The following AGPAT4 variants were observed in gnomAD, a reference collection of about 807,000 sequenced individuals.
The protein encoded by AGPAT4 is 1-acyl-sn-glycerol-3-phosphate acyltransferase delta.
A neutral mutation model predicts 48.0 loss-of-function variants in AGPAT4; 15 were observed. The observed-to-expected ratio is 0.31, with a 90% CI of 0.21 to 0.48. AGPAT4 has a LOEUF of 0.48. Among genes scored for constraint, AGPAT4 ranks in the 20% least tolerant of loss-of-function variants. The pLI is 0.99. For missense variants in AGPAT4, 314 were observed against 482.5 expected, an observed-to-expected ratio of 0.65 and a Z score of 3.27; for synonymous variants, 178 against 198.7, an observed-to-expected ratio of 0.90 and a Z score of 0.88.
In AGPAT4 at chr6:161,220,116, T is replaced by C. The variant is rs922442309; in HGVS notation, c.178+11920A>G. Among the ~76,000 whole-genome samples the C allele has an allele frequency of 2.0e-5, 3 of 152,232 alleles. No individual in the cohort carries two copies. The highest frequency in any genetic ancestry group is 4.4e-5 in the Non-Finnish European group (3 of 68,044). On this transcript the variant is annotated intron_variant, in intron 2 of 8. Transcript: ENST00000320285. The surrounding 1 kb of genome is among the most constrained non-coding windows in gnomAD (Gnocchi z 6.0). ...CTCCATTGAATCAGCTTCATGAGAC[T>C]GATTCATTTGGATATTTAATGTGCT...
rs528350193 is a variant in AGPAT4, at chr6:161,144,849, C to T, written c.843+1675G>A. On this transcript the variant is annotated intron_variant, in intron 7 of 8. Coordinates refer to ENST00000320285, the MANE Select transcript of AGPAT4 (RefSeq NM_020133.3). This position sits in a 1 kb window ranked among gnomAD's most constrained non-coding sequence, Gnocchi z 6.6. ...CAAAAAAATTAGCCGGGCATGGTGGCGGGTGCCTGTAGTCCCAGATATTTG... is the reference window on the plus strand; with the variant it reads ...CAAAAAAATTAGCCGGGCATGGTGGTGGGTGCCTGTAGTCCCAGATATTTG... 1.7e-4 allele frequency among the ~76,000 whole-genome samples: 26 copies of T among 152,060 alleles called. No individual in the cohort carries two copies. Among genetic ancestry groups the T allele is most frequent in the African/African-American group, 3.9e-4 (16 of 41,440 alleles).
intron 2 of AGPAT4, among the ~76,000 whole-genome samples, chr6:161,230,287 T>C (rs1401915940): frequency 2.0e-5 from 3 of 152,202 alleles, no homozygotes; most frequent in Non-Finnish European, 2.9e-5. Context: ...AACCATCCAC[T>C]TGAAATTTGG....
chr6:161,170,883 C>G (rs543645523), intron 2 of AGPAT4, among the ~76,000 whole-genome samples: 7 of 152,362 alleles, frequency 4.6e-5, no homozygotes, highest in African/African-American at 1.7e-4. Context: ...TCCTTCCACT[C>G]TCACCATCAG....
At chr6:161,203,368 G>A (rs1583326148) in intron 2 of AGPAT4, among the ~76,000 whole-genome samples, 1 of 131,648 alleles carries the variant, frequency 7.6e-6, no homozygotes, top group East Asian at 2.4e-4. Flanking sequence ...GTGGGAGAGT[G>A]TTCTTTTTCT....
rs1783389652 is a variant in AGPAT4, at chr6:161,270,480, G to C, written c.-90+3458C>G. ...GAGGTCAAACACCATTCAGAAATGT[G>C]AATGTGGGCCAGGCACGGTGGCTCA... On this transcript the variant is annotated intron_variant, in intron 1 of 8. Coordinates refer to ENST00000320285, the MANE Select transcript of AGPAT4 (RefSeq NM_020133.3). The surrounding 1 kb of genome is among the most constrained non-coding windows in gnomAD (Gnocchi z 5.3). 6.6e-6 allele frequency among the ~76,000 whole-genome samples: 1 copy of C among 152,180 alleles called. No homozygotes were observed. Among genetic ancestry groups the C allele is most frequent in the South Asian group, 2.1e-4 (1 of 4,832 alleles).
chr6:161,152,917 G>A (rs1242018242), intron 5 of AGPAT4, among the ~76,000 whole-genome samples: 2 of 152,234 alleles, frequency 1.3e-5, no homozygotes, highest in Non-Finnish European at 2.9e-5. Context: ...TCTTCTTACC[G>A]ATGGCCATTT....
rs768697318 is a variant in AGPAT4, at chr6:161,135,353, T to C, written c.*1187A>G. 1 of 152,258 alleles carries C rather than the reference T, an allele frequency of 6.6e-6. No homozygotes were observed. The highest frequency in any genetic ancestry group is 2.4e-5 in the African/African-American group (1 of 41,466). 9.4% of individuals were successfully genotyped at this position (152,258 alleles called of 1,614,324 possible). A position where few individuals can be genotyped will look rare whatever the true frequency, so the allele number is the denominator to read the frequency against. On this transcript the variant is annotated 3_prime_UTR_variant, in exon 9 of 9. Coordinates refer to ENST00000320285, the MANE Select transcript of AGPAT4 (RefSeq NM_020133.3). Reference sequence around the variant, plus strand: ...ATAGCTAGCATTTGTTCTGCAAAAATAGCACTGCTTTTAGTTTCTTCTTCT... The same window carrying C: ...ATAGCTAGCATTTGTTCTGCAAAAACAGCACTGCTTTTAGTTTCTTCTTCT...
chr6:161,268,592 T>C (rs542943303), intron 1 of AGPAT4, among the ~76,000 whole-genome samples: 166 of 152,280 alleles, frequency 1.1e-3, no homozygotes, highest in South Asian at 3.1e-3. Flanking sequence ...GAAATGACCA[T>C]GAAGTAGTTA....
rs1407252789 is a variant in AGPAT4 at position 161,220,463 on chromosome 6, C to T, written c.178+11573G>A. On this transcript the variant is annotated intron_variant, in intron 2 of 8. Coordinates refer to ENST00000320285, the MANE Select transcript of AGPAT4 (RefSeq NM_020133.3). This position sits in a 1 kb window ranked among gnomAD's most constrained non-coding sequence, Gnocchi z 6.0. ...CTTCCTCGATACTTCAGATTAAAAA[C>T]CCTAGAAGTATATGGAACAACAGAA... Among the ~76,000 whole-genome samples the T allele has an allele frequency of 6.6e-6, 1 of 152,170 alleles. No individual in the cohort carries two copies. Among genetic ancestry groups the T allele is most frequent in the African/African-American group, 2.4e-5 (1 of 41,442 alleles).
chr6:161,196,092 G>A lies in AGPAT4; in HGVS notation c.179-29675C>T, dbSNP rs575891938. 6.6e-6 allele frequency among the ~76,000 whole-genome samples: 1 copy of A among 152,266 alleles called. No homozygotes were observed. Among genetic ancestry groups the A allele is most frequent in the Admixed American group, 6.5e-5 (1 of 15,296 alleles). On this transcript the variant is annotated intron_variant, in intron 2 of 8. Coordinates refer to ENST00000320285, the MANE Select transcript of AGPAT4 (RefSeq NM_020133.3). The surrounding 1 kb of genome is among the most constrained non-coding windows in gnomAD (Gnocchi z 4.3). ...CTTAATGACCCACCATCCCAAGACA[G>A]AAATATAACCCTGACCTCTTTCTAG...
chr6:161,183,610 G>A (rs1562328090), intron 2 of AGPAT4, among the ~76,000 whole-genome samples: 1 of 135,558 alleles, frequency 7.4e-6, no homozygotes, highest in African/African-American at 2.8e-5. Flanking sequence ...ACAGAGAGAA[G>A]CTCTAAGGGA....
chr6:161,157,706 C>CTATG (rs1243936564), intron 3 of AGPAT4, among the ~76,000 whole-genome samples: 2 of 152,194 alleles, frequency 1.3e-5, no homozygotes, highest in African/African-American at 2.4e-5. Context: ...TTGATGTTAA[C>CTATG]TATGTTTGGT....
Position 161,233,556 on chromosome 6 carries a change from G to T in AGPAT4, c.-89-1254C>A, listed in dbSNP as rs2115037575. Reference sequence around the variant, plus strand: ...ATGGTGTAAAAGCAATATCCATTCAGAGAAATTTTAATTCGAGGCCATACA... The same window carrying T: ...ATGGTGTAAAAGCAATATCCATTCATAGAAATTTTAATTCGAGGCCATACA... On this transcript the variant is annotated intron_variant, in intron 1 of 8. Coordinates refer to ENST00000320285, the MANE Select transcript of AGPAT4 (RefSeq NM_020133.3). The surrounding 1 kb of genome is among the most constrained non-coding windows in gnomAD (Gnocchi z 5.4). 6.6e-6 allele frequency among the ~76,000 whole-genome samples: 1 copy of T among 152,284 alleles called. No individual in the cohort carries two copies. Among genetic ancestry groups the T allele is most frequent in the Middle Eastern group, 3.4e-3 (1 of 294 alleles).
chr6:161,195,367 T>C lies in AGPAT4; in HGVS notation c.179-28950A>G, dbSNP rs557358656. ...GAAGACAAGCACTGCAGGACAACCA[T>C]TGGGCGGGTTATAAACACCTTTCAT... is the stretch of plus-strand genomic sequence containing the variant. On this transcript the variant is annotated intron_variant, in intron 2 of 8. Coordinates refer to ENST00000320285, the MANE Select transcript of AGPAT4 (RefSeq NM_020133.3). The surrounding 1 kb of genome is among the most constrained non-coding windows in gnomAD (Gnocchi z 5.0). Among the ~76,000 whole-genome samples, 26 of 152,250 alleles carry C rather than the reference T, an allele frequency of 1.7e-4. No homozygotes were observed. In the South Asian group the frequency reaches 5.0e-3, roughly 29 times the overall value.
Position 161,154,852 on chromosome 6 carries a change from T to C in AGPAT4, c.349-542A>G, listed in dbSNP as rs1030975342. On this transcript the variant is annotated intron_variant, in intron 3 of 8. Coordinates refer to ENST00000320285, the MANE Select transcript of AGPAT4 (RefSeq NM_020133.3). This position sits in a 1 kb window ranked among gnomAD's most constrained non-coding sequence, Gnocchi z 7.8. ...AACAGTGGTTGGCCAAAGATTCATTTGAATCCGATTTTTCCGAGACAGCTC... is the reference window on the plus strand; with the variant it reads ...AACAGTGGTTGGCCAAAGATTCATTCGAATCCGATTTTTCCGAGACAGCTC... Among the ~76,000 whole-genome samples, 1 of 152,258 alleles carries C rather than the reference T, an allele frequency of 6.6e-6. No homozygotes were observed. Among genetic ancestry groups the C allele is most frequent in the African/African-American group, 2.4e-5 (1 of 41,474 alleles).
rs561506128 is a variant in AGPAT4 at position 161,255,266 on chromosome 6, C to T, written c.-90+18672G>A. On this transcript the variant is annotated intron_variant, in intron 1 of 8. Transcript: ENST00000320285. This position sits in a 1 kb window ranked among gnomAD's most constrained non-coding sequence, Gnocchi z 4.7. ...GAGACCCCTCTGCAAAATACCATTG[C>T]TTCTTTCGCTTCAGAAAAGATTTTG... Among the ~76,000 whole-genome samples, 1 of 152,336 alleles carries T rather than the reference C, an allele frequency of 6.6e-6. No individual in the cohort carries two copies. Among genetic ancestry groups the T allele is most frequent in the South Asian group, 2.1e-4 (1 of 4,826 alleles).
At position 161,238,810 on chromosome 6, in the gene AGPAT4, G is replaced by T. The variant is rs879220006; in HGVS notation, c.-89-6508C>A. ...TCGTGAGTTCTCATAAGATCTGATG[G>T]TTTCATAAGGGGCTTTTCACCCTTT... On this transcript the variant is annotated intron_variant, in intron 1 of 8. Transcript: ENST00000320285. This position sits in a 1 kb window ranked among gnomAD's most constrained non-coding sequence, Gnocchi z 5.2. 6.6e-6 allele frequency among the ~76,000 whole-genome samples: 1 copy of T among 152,092 alleles called. No individual in the cohort carries two copies. The highest frequency in any genetic ancestry group is 2.1e-4 in the South Asian group (1 of 4,826).
rs1389105594 is a variant in AGPAT4, at chr6:161,266,423, G to A, written c.-90+7515C>T. On this transcript the variant is annotated intron_variant, in intron 1 of 8. Coordinates refer to ENST00000320285, the MANE Select transcript of AGPAT4 (RefSeq NM_020133.3). The surrounding 1 kb of genome is among the most constrained non-coding windows in gnomAD (Gnocchi z 6.2). ...GCGATCATACCTCCATGCCATGAAT[G>A]AGCACCCAGTGCAGTTATGAAGAGA... 6.6e-6 allele frequency among the ~76,000 whole-genome samples: 1 copy of A among 152,138 alleles called. No homozygotes were observed. The highest frequency in any genetic ancestry group is 1.9e-4 in the East Asian group (1 of 5,172).
rs1251117761 is a variant in AGPAT4, at chr6:161,240,466, A to G, written c.-89-8164T>C. Among the ~76,000 whole-genome samples the G allele has an allele frequency of 6.6e-6, 1 of 152,010 alleles. No individual in the cohort carries two copies. Among genetic ancestry groups the G allele is most frequent in the East Asian group, 1.9e-4 (1 of 5,190 alleles). On this transcript the variant is annotated intron_variant, in intron 1 of 8. Transcript: ENST00000320285. This position sits in a 1 kb window ranked among gnomAD's most constrained non-coding sequence, Gnocchi z 5.5. Reference sequence around the variant, plus strand: ...AGTGATTAAGCGATCCAGCTCTGCCACTCTTCCCCAACTCCCATCTACAGA... The same window carrying G: ...AGTGATTAAGCGATCCAGCTCTGCCGCTCTTCCCCAACTCCCATCTACAGA...
Sources: allele counts gnomAD v4.1 joint callset (sites outside exome capture counted in the v4.1 genomes callset), GRCh38; gene constraint gnomAD v4.1.1; non-coding constraint Gnocchi (gnomAD v3.1); transcripts MANE v1.5; gene names NCBI Gene and HGNC (gene_info 2026-07-23, HGNC 2026-07-21).